The following HIP1R variants were observed in gnomAD, a reference collection of about 807,000 sequenced individuals.
HIP1R encodes huntingtin interacting protein 1 related.
A neutral mutation model predicts 144.2 loss-of-function variants in HIP1R; 135 were observed. The ratio of observed to expected loss-of-function variants is 0.94; its 90% CI spans 0.81 to 1.08. The LOEUF (loss-of-function observed/expected upper bound fraction) is 1.08. Ranked by LOEUF, HIP1R falls within the 50% of genes least tolerant of loss-of-function variation. The pLI is 0.00. For missense variants in HIP1R, 1,462 were observed against 1,432.8 expected (o/e 1.02, Z -0.33); for synonymous variants, 698 against 612.8 (o/e 1.14, Z -2.05).
At chr12:122,848,705 G>A (rs758729996) in intron 3 of HIP1R, 91 bp from the exon 4 acceptor site, 10 of 1,597,058 alleles carry the variant, frequency 6.3e-6, no homozygotes, top group Non-Finnish European at 8.6e-6. Flanking sequence ...GCTCCGGGCT[G>A]TTCCTCCCGC....
chr12:122,841,925 C>T (rs1204641789), intron 1 of HIP1R, among the ~76,000 whole-genome samples: 2 of 152,150 alleles, frequency 1.3e-5, no homozygotes, highest in Non-Finnish European at 2.9e-5. Flanking sequence ...GCTGAAATGA[C>T]GGAGTGGCCA....
At chr12:122,858,578 A>G (rs2033668507) in intron 20 of HIP1R, 143 bp downstream of exon 20, 1 of 715,320 alleles carries the variant, frequency 1.4e-6, no homozygotes, top group Non-Finnish European at 2.3e-6. Context: ...GCTCCTTCCC[A>G]GGAACCCACC....
At chr12:122,859,269 G>A in intron 22 of HIP1R, 72 bp downstream of exon 22, 1 of 1,523,316 alleles carries the variant, frequency 6.6e-7, no homozygotes, top group Non-Finnish European at 8.9e-7. Flanking sequence ...CTCTGGGTTG[G>A]CTGAACAGGT....
chr12:122,860,922 G>A lies in HIP1R; in HGVS notation c.2773G>A (p.Ala925Thr), dbSNP rs745831920. 41 of 1,610,570 alleles carry A rather than the reference G, an allele frequency of 2.5e-5. No homozygotes were observed. The highest frequency in any genetic ancestry group is 3.4e-5 in the Non-Finnish European group (40 of 1,178,360). ...CTGACCTCTCGCCCCTCAGGTGAAG[G>A]CCAACAAGCACAGCCCCCACCTGAG... ...AQLVAASKVKANKHSPHLSRL... is the reference protein window; with the variant it reads ...AQLVAASKVKTNKHSPHLSRL... The change falls in exon 29 of 32, where the codon GCC becomes ACC. Residue 925 changes from alanine (A) to threonine (T), a missense_variant. Physicochemically the swap from Ala to Thr is moderately conservative, Grantham distance 58. Around this residue, in one of 2 missense-constraint regions of HIP1R, gnomAD observed 1,112 missense variants for 1,011.7 expected, o/e 1.10. Coordinates refer to ENST00000253083, the MANE Select transcript of HIP1R (RefSeq NM_003959.3).
In HIP1R at chr12:122,848,822, C is replaced by T; in HGVS notation, c.327C>T (p.Arg109=). 6.2e-7 allele frequency: 1 copy of T among 1,613,276 alleles called. No homozygotes were observed. Among genetic ancestry groups the T allele is most frequent in the South Asian group, 1.1e-5 (1 of 91,090 alleles). Residue 109 remains arginine, a synonymous_variant, in exon 4 of 32, where the codon CGC becomes CGT. Coordinates refer to ENST00000253083, the MANE Select transcript of HIP1R (RefSeq NM_003959.3). ...TGCTGCATGACTGCCAGCGGTACCG[C>T]AGCAACATCCGGGAGATTGGAGACC... ...PNVLHDCQRY[R]SNIREIGDLW... is the part of the protein sequence containing the mutation.
intron 20 of HIP1R, 69 bp from the exon 21 acceptor site, chr12:122,858,769 C>A (rs779600045): frequency 1.5e-4 from 169 of 1,113,528 alleles, no homozygotes; most frequent in Non-Finnish European, 2.2e-4. Context: ...AGCTGGCCAC[C>A]GACGGTGGTC....
chr12:122,855,410 G>A lies in HIP1R; in HGVS notation c.993+5G>A. On this transcript the variant is annotated splice_donor_5th_base_variant and intron_variant, in intron 11 of 31. Transcript: ENST00000253083. Reference sequence around the variant, plus strand: ...CCCCCCGCGGGGGAGCCAGTGGTGAGCCCCCTGCCCAGCCCGTGTCCCCCA... The same window carrying A: ...CCCCCCGCGGGGGAGCCAGTGGTGAACCCCCTGCCCAGCCCGTGTCCCCCA... 1.3e-6 allele frequency: 2 copies of A among 1,559,542 alleles called. No homozygotes were observed. The highest frequency in any genetic ancestry group is 1.7e-6 in the Non-Finnish European group (2 of 1,153,040).
chr12:122,854,646 C>G (rs931227268), intron 8 of HIP1R, among the ~76,000 whole-genome samples: 2 of 152,228 alleles, frequency 1.3e-5, no homozygotes, highest in Non-Finnish European at 2.9e-5. Flanking sequence ...TAGTGCCTCC[C>G]GAAGCCAGGT....
rs376873115 is a variant in HIP1R at position 122,855,820 on chromosome 12, T to C, written c.1056-11T>C. On this transcript the variant is annotated splice_polypyrimidine_tract_variant and intron_variant, in intron 12 of 31. Coordinates refer to ENST00000253083, the MANE Select transcript of HIP1R (RefSeq NM_003959.3). ...TTGACTTAACTTGAACCCCAGGACC[T>C]CTGTCCCCAGGGACCTCCAGATTGA... is the stretch of plus-strand genomic sequence containing the variant. The C allele has an allele frequency of 7.1e-6, 11 of 1,558,656 alleles. No homozygotes were observed. The highest frequency in any genetic ancestry group is 9.6e-6 in the Non-Finnish European group (11 of 1,150,464).
chr12:122,843,075 C>G (rs1006882985), intron 1 of HIP1R, among the ~76,000 whole-genome samples: 5 of 152,354 alleles, frequency 3.3e-5, no homozygotes, highest in East Asian at 1.9e-4. Flanking sequence ...TTGAACAAAT[C>G]CTGATCCGGA....
chr12:122,855,118 G>A lies in HIP1R; in HGVS notation c.842G>A (p.Arg281Gln), dbSNP rs756668419. 21 of 1,613,414 alleles carry A rather than the reference G, an allele frequency of 1.3e-5. No individual in the cohort carries two copies. Among genetic ancestry groups the A allele is most frequent in the Admixed American group, 5.0e-5 (3 of 60,014 alleles). Residue 281 changes from arginine (R) to glutamine (Q), a missense_variant, in exon 10 of 32, where the codon CGG (arginine) becomes CAG (glutamine). Coordinates refer to ENST00000253083, the MANE Select transcript of HIP1R (RefSeq NM_003959.3). ...LYFKRLIQIPRLPEGPPNFLR... is the reference protein window; with the variant it reads ...LYFKRLIQIPQLPEGPPNFLR... ...TTCAAGCGGCTCATCCAGATCCCCC[G>A]GCTGCCCGAGGTACCACCCCCAAGA...
intron 1 of HIP1R, among the ~76,000 whole-genome samples, chr12:122,842,295 T>TA (rs1054641945): frequency 6.6e-6 from 1 of 152,264 alleles, no homozygotes; most frequent in African/African-American, 2.4e-5. Context: ...CAGGGAGGCT[T>TA]ACGTCTGATT....
At chr12:122,848,950 G>T in intron 4 of HIP1R, 98 bp downstream of exon 4, 1 of 1,298,338 alleles carries the variant, frequency 7.7e-7, no homozygotes, top group East Asian at 2.3e-5. Context: ...TTCCCTGCGG[G>T]TGGCTGGGTT....
intron 7 of HIP1R, 42 bp downstream of exon 7, chr12:122,851,339 T>G (rs756168479): frequency 6.8e-7 from 1 of 1,459,886 alleles, no homozygotes; most frequent in Non-Finnish European, 9.1e-7. Context: ...AGTGTATTGC[T>G]AAGTCCCCAG....
chr12:122,849,991 C>T (rs1211734570), intron 5 of HIP1R, 36 bp downstream of exon 5: 1 of 1,466,852 alleles, frequency 6.8e-7, no homozygotes. Context: ...GCTGAGGGAC[C>T]CGTGGGCTTT....
chr12:122,854,784 C>A, intron 8 of HIP1R, 121 bp from the exon 9 acceptor site: 1 of 1,035,038 alleles, frequency 9.7e-7, no homozygotes, highest in South Asian at 1.4e-5. Context: ...GAGAGCGGGC[C>A]TGGCCCGGTC....
At chr12:122,843,117 G>T (rs2033104945) in intron 1 of HIP1R, among the ~76,000 whole-genome samples, 1 of 152,244 alleles carries the variant, frequency 6.6e-6, no homozygotes, top group South Asian at 2.1e-4. Flanking sequence ...ATGTTAGCAG[G>T]CCCTTGGGGA....
At position 122,856,480 on chromosome 12, in the gene HIP1R, G is replaced by T; in HGVS notation, c.1450G>T (p.Glu484Ter). Residue 484 changes from glutamate to a stop codon, truncating the protein, a stop_gained, in exon 16 of 32, where the codon GAG becomes TAG. Coordinates refer to ENST00000253083, the MANE Select transcript of HIP1R (RefSeq NM_003959.3). LOFTEE classifies it high-confidence loss of function. ...QLTVTQQSQE[E>*]VARVKEQLAF... ...GACGGTGACGCAGCAAAGCCAGGAG[G>T]AGGTGGCGCGGGTGAAGGAGCAGCT... 1 of 1,590,398 alleles carries T rather than the reference G, an allele frequency of 6.3e-7. No homozygotes were observed. The highest frequency in any genetic ancestry group is 8.6e-7 in the Non-Finnish European group (1 of 1,167,916).
chr12:122,837,521 G>A (rs1053860251), intron 1 of HIP1R, among the ~76,000 whole-genome samples: 1 of 152,204 alleles, frequency 6.6e-6, no homozygotes, highest in African/African-American at 2.4e-5. Flanking sequence ...GTTTCACCAT[G>A]TTGGACAGGC....
Sources: gnomAD v4.1 joint callset for allele counts (sites outside exome capture counted in the v4.1 genomes callset) on GRCh38, gnomAD v4.1.1 for gene constraint, gnomAD v4.1.1 regional missense constraint, MANE v1.5 for transcripts, NCBI Gene and HGNC (gene_info 2026-07-23, HGNC 2026-07-21) for gene names.